Variants in CFAP299 observed in about 807,000 individuals in gnomAD.
CFAP299 encodes the protein cilia- and flagella-associated protein 299.
In CFAP299, 21 loss-of-function variants were observed where a neutral mutation model predicts 27.0. The observed-to-expected ratio is 0.78, with a 90% CI of 0.55 to 1.12. The LOEUF is 1.12. Among genes scored for constraint, CFAP299 ranks in the 50% most tolerant of loss-of-function variants. The pLI is 0.00. For missense variants in CFAP299, 310 were observed against 276.6 expected (o/e 1.12, Z -0.86); for synonymous variants, 104 against 98.1 (o/e 1.06, Z -0.36).
intron 3 of CFAP299, among the ~76,000 whole-genome samples, chr4:80,784,410 A>C (rs1727118447): frequency 6.6e-6 from 1 of 152,184 alleles, no homozygotes; most frequent in Admixed American, 6.5e-5. Context: ...GTGATATCTC[A>C]TAGTGGTTTT....
intron 4 of CFAP299, among the ~76,000 whole-genome samples, chr4:80,919,695 G>A (rs1454393396): frequency 1.3e-5 from 2 of 151,886 alleles, no homozygotes; most frequent in South Asian, 2.1e-4. Flanking sequence ...ATAGACTCAG[G>A]GCATCAAATT....
intron 2 of CFAP299, among the ~76,000 whole-genome samples, chr4:80,489,421 G>A (rs891231220): frequency 1.3e-5 from 2 of 152,152 alleles, no homozygotes; most frequent in Non-Finnish European, 2.9e-5. Flanking sequence ...AATTCAGAGA[G>A]TCTATTACTG....
intron 3 of CFAP299, among the ~76,000 whole-genome samples, chr4:80,858,382 A>G (rs1048130326): frequency 6.6e-6 from 1 of 151,818 alleles, no homozygotes; most frequent in Non-Finnish European, 1.5e-5. Flanking sequence ...TAATTTTTTG[A>G]AGGGTTTTTT....
At position 80,898,333 on chromosome 4, in the gene CFAP299, C is replaced by G. The variant is rs186890152; in HGVS notation, c.476+28198C>G. ...CAAAGTCTGGCTATCCCCAGCCAGA[C>G]TCCTCTCCAAAGCTACACCTTTAAG... On this transcript the variant is annotated intron_variant, in intron 4 of 5. Transcript: ENST00000358105. Among the ~76,000 whole-genome samples the G allele has an allele frequency of 3.9e-3, 601 of 152,176 alleles. 18 individuals carry two copies. Among genetic ancestry groups the G allele is most frequent in the Non-Finnish European group, 7.6e-4 (52 of 68,014 alleles).
intron 3 of CFAP299, among the ~76,000 whole-genome samples, chr4:80,718,439 T>C (rs1002824779): frequency 2.0e-5 from 3 of 152,110 alleles, no homozygotes; most frequent in East Asian, 3.9e-4. Flanking sequence ...TGCAAACATA[T>C]GGGAATTGTG....
chr4:80,473,402 T>C (rs1312386077), intron 2 of CFAP299, among the ~76,000 whole-genome samples: 1 of 152,104 alleles, frequency 6.6e-6, no homozygotes, highest in Non-Finnish European at 1.5e-5. Context: ...TGAAGTTTAA[T>C]TTTAACTTTT....
chr4:80,400,412 C>T (rs1405276496), intron 2 of CFAP299, among the ~76,000 whole-genome samples: 1 of 152,080 alleles, frequency 6.6e-6, no homozygotes, highest in Non-Finnish European at 1.5e-5. Context: ...AGAATTCCCA[C>T]GTGTTGTGGG....
chr4:80,713,251 G>C (rs896804162), intron 3 of CFAP299, among the ~76,000 whole-genome samples: 2 of 152,088 alleles, frequency 1.3e-5, no homozygotes, highest in Non-Finnish European at 2.9e-5. Context: ...TGTAGAGTTG[G>C]CCAAAGTTGG....
intron 2 of CFAP299, among the ~76,000 whole-genome samples, chr4:80,512,495 G>A (rs1275238276): frequency 2.6e-5 from 4 of 152,112 alleles, no homozygotes; most frequent in Non-Finnish European, 4.4e-5. Flanking sequence ...TTCAACTGAA[G>A]ATGTGGTCAT....
In CFAP299 at chr4:80,805,671, C is replaced by T. The variant is rs567000990; in HGVS notation, c.334-64322C>T. On this transcript the variant is annotated intron_variant, in intron 3 of 5. Transcript: ENST00000358105. Reference sequence around the variant, plus strand: ...CTAGCGTGGGCAACATAGGGAGACCCTCATCTCTACAAAAAGTAAAAAAAT... The same window carrying T: ...CTAGCGTGGGCAACATAGGGAGACCTTCATCTCTACAAAAAGTAAAAAAAT... Among the ~76,000 whole-genome samples, 96 of 151,926 alleles carry T rather than the reference C, an allele frequency of 6.3e-4. 2 individuals are homozygous for T. Among genetic ancestry groups the T allele is most frequent in the African/African-American group, 2.2e-3 (91 of 41,456 alleles).
At chr4:80,335,296 T>A (rs1722077744), upstream of CFAP299, among the ~76,000 whole-genome samples, 1 of 152,230 alleles carries the variant, frequency 6.6e-6, no homozygotes, top group Non-Finnish European at 1.5e-5. Flanking sequence ...ACCTTTGTTA[T>A]AACTTTAAAA....
chr4:80,892,116 A>G (rs1734337439), intron 4 of CFAP299, among the ~76,000 whole-genome samples: 1 of 152,132 alleles, frequency 6.6e-6, no homozygotes, highest in Non-Finnish European at 1.5e-5. Flanking sequence ...TATGCCACAG[A>G]GCTGTAATAA....
intron 3 of CFAP299, among the ~76,000 whole-genome samples, chr4:80,603,721 G>C (rs1447473105): frequency 6.6e-6 from 1 of 152,116 alleles, no homozygotes; most frequent in Admixed American, 6.6e-5. Context: ...AATTGCTGAA[G>C]TAATGCATTA....
chr4:80,425,995 T>A (rs889818624), intron 2 of CFAP299, among the ~76,000 whole-genome samples: 1 of 152,190 alleles, frequency 6.6e-6, no homozygotes, highest in African/African-American at 2.4e-5. Context: ...TGGGTTTTTG[T>A]GCAAGTACAC....
At chr4:80,589,104 A>C (rs1361349479) in intron 3 of CFAP299, among the ~76,000 whole-genome samples, 1 of 152,220 alleles carries the variant, frequency 6.6e-6, no homozygotes, top group Non-Finnish European at 1.5e-5. Context: ...AACTGATGTT[A>C]ATAACAACAG....
At chr4:80,696,175 C>T (rs1343787920) in intron 3 of CFAP299, among the ~76,000 whole-genome samples, 3 of 151,598 alleles carry the variant, frequency 2.0e-5, no homozygotes, top group Admixed American at 6.6e-5. Context: ...GTGGCACGCA[C>T]GTGTAATTCC....
intron 3 of CFAP299, among the ~76,000 whole-genome samples, chr4:80,650,110 G>A (rs532836867): frequency 1.5e-4 from 23 of 151,910 alleles, no homozygotes; most frequent in African/African-American, 4.8e-4. Context: ...TGTGAATACC[G>A]TTTATATGTA....
At chr4:80,578,651 T>G (rs1416039421) in intron 2 of CFAP299, among the ~76,000 whole-genome samples, 2 of 152,198 alleles carry the variant, frequency 1.3e-5, no homozygotes, top group Non-Finnish European at 2.9e-5. Context: ...TACAGTATGA[T>G]TGCTTTAGAC....
chr4:80,582,321 A>T (rs889947413), intron 2 of CFAP299, among the ~76,000 whole-genome samples: 4 of 151,876 alleles, frequency 2.6e-5, no homozygotes, highest in African/African-American at 9.7e-5. Context: ...TATCTGGTTT[A>T]TGTATCTGTT....
Sources: gnomAD v4.1 joint callset for allele counts (sites outside exome capture counted in the v4.1 genomes callset) on GRCh38, gnomAD v4.1.1 for gene constraint, MANE v1.5 for transcripts, NCBI Gene and HGNC (gene_info 2026-07-23, HGNC 2026-07-21) for gene names.